LDAF1: variants seen among roughly 807,000 people sequenced by gnomAD.
LDAF1 encodes the protein PROMETHIN.
In LDAF1, 7 loss-of-function variants were observed where a neutral mutation model predicts 13.5. That is an observed-to-expected ratio of 0.52 (90% CI 0.29 to 0.97). The LOEUF is 0.97. Among genes scored for constraint, LDAF1 ranks in the 50% least tolerant of loss-of-function variants. The pLI is 0.07. For synonymous variants in LDAF1, 69 were observed against 77.1 expected, an observed-to-expected ratio of 0.89 and a Z score of 0.55; for missense variants, 148 against 193.2, an observed-to-expected ratio of 0.77 and a Z score of 1.39.
At position 21,179,566 on chromosome 16, in the gene LDAF1, CAG is replaced by C; in HGVS notation, c.*13_*14del. On this transcript the variant is annotated 3_prime_UTR_variant, in exon 5 of 5. Coordinates refer to ENST00000233047, the MANE Select transcript of LDAF1 (RefSeq NM_001301771.2). ...GCTTTACCAGGAATGAGTGACTGCTCAGAGGCCGGGCTTCTTTTCAAGTACTG... is the reference window on the plus strand; with the variant it reads ...GCTTTACCAGGAATGAGTGACTGCTCAGGCCGGGCTTCTTTTCAAGTACTG... The C allele has an allele frequency of 6.2e-7, 1 of 1,611,204 alleles. No individual in the cohort carries two copies. Among genetic ancestry groups the C allele is most frequent in the African/African-American group, 1.3e-5 (1 of 74,954 alleles).
intron 2 of LDAF1, among the ~76,000 whole-genome samples, chr16:21,162,901 G>A (rs960869981): frequency 2.0e-5 from 3 of 152,176 alleles, no homozygotes; most frequent in African/African-American, 7.2e-5. Context: ...ATCGCTCCTA[G>A]GGGAAATACA....
At position 21,166,924 on chromosome 16, in the gene LDAF1, A is replaced by G. The variant is rs771222341; in HGVS notation, c.97-3513A>G. On this transcript the variant is annotated intron_variant, in intron 2 of 4. Coordinates refer to ENST00000233047, the MANE Select transcript of LDAF1 (RefSeq NM_001301771.2). ...TGCTGGCTCCAAGGTGATTCCTGCT[A>G]CAGTCATCTCTGGCTAGAGAAGCGG... The G allele has an allele frequency of 2.6e-5, 40 of 1,534,964 alleles. 1 individual carries two copies. In the South Asian group the frequency reaches 4.2e-4, roughly 16 times the overall value.
chr16:21,170,688 A>C lies in LDAF1; in HGVS notation c.265+83A>C. On this transcript the variant is annotated intron_variant, in intron 3 of 4. Coordinates refer to ENST00000233047, the MANE Select transcript of LDAF1 (RefSeq NM_001301771.2). ...TTTGGGGCCATTTAAAAATTTTTTT[A>C]AGGGGCGGGGTCTTGTTATGTTGCC... The C allele has an allele frequency of 3.2e-6, 5 of 1,543,628 alleles. No individual in the cohort carries two copies. The South Asian group carries it at 5.8e-5, about 18-fold the overall frequency.
intron 1 of LDAF1, chr16:21,159,510 T>G: frequency 6.9e-7 from 1 of 1,445,086 alleles, no homozygotes; most frequent in East Asian, 2.3e-5. Context: ...CCCTGGAGGT[T>G]CGGGGGTGGG....
chr16:21,159,367 T>C (rs977782862), intron 1 of LDAF1: 2 of 1,614,108 alleles, frequency 1.2e-6, no homozygotes. Flanking sequence ...TCTCCCTGGC[T>C]TTTGAACGCT....
intron 4 of LDAF1, chr16:21,177,071 T>A (rs936439457): frequency 6.6e-6 from 1 of 152,234 alleles, no homozygotes; most frequent in Admixed American, 6.5e-5. Flanking sequence ...CAAATTTTAA[T>A]GAAAAGTAAC....
intron 2 of LDAF1, chr16:21,166,844 C>G (rs2093028802): frequency 6.5e-7 from 1 of 1,535,546 alleles, no homozygotes; most frequent in East Asian, 2.4e-5. Flanking sequence ...TTTCAGCTGC[C>G]CCAACACAGC....
intron 4 of LDAF1, 105 bp downstream of exon 4, chr16:21,174,253 G>T: frequency 9.2e-7 from 1 of 1,087,522 alleles, no homozygotes; most frequent in South Asian, 1.7e-5. Context: ...GCAGTGGCAT[G>T]AACATAGCTC....
chr16:21,173,505 G>T (rs1457212868), intron 3 of LDAF1: 1 of 152,462 alleles, frequency 6.6e-6, no homozygotes, highest in Non-Finnish European at 1.5e-5. Context: ...CTTGAGGTCA[G>T]GAGTTCAAGA....
At chr16:21,169,306 T>C (rs2093063487) in intron 2 of LDAF1, 1 of 271,998 alleles carries the variant, frequency 3.7e-6, no homozygotes, top group Non-Finnish European at 5.6e-6. Flanking sequence ...TGCATTTCCT[T>C]TTTTTTTCCC....
chr16:21,164,128 G>C (rs1322161704), intron 2 of LDAF1, among the ~76,000 whole-genome samples: 2 of 152,212 alleles, frequency 1.3e-5, no homozygotes, highest in African/African-American at 4.8e-5. Flanking sequence ...CCAAGTTTCA[G>C]TCTTCATGTT....
intron 1 of LDAF1, chr16:21,159,448 A>C: frequency 6.8e-6 from 11 of 1,612,902 alleles, no homozygotes; most frequent in Non-Finnish European, 9.3e-6. Context: ...CCATCCCCCA[A>C]CCAGAGATGT....
chr16:21,162,788 A>G (rs2044592813), intron 2 of LDAF1, among the ~76,000 whole-genome samples: 1 of 152,206 alleles, frequency 6.6e-6, no homozygotes, highest in African/African-American at 2.4e-5. Context: ...GCTCAGTAAG[A>G]AGGGTCCTCC....
intron 4 of LDAF1, among the ~76,000 whole-genome samples, chr16:21,178,574 C>A (rs890767308): frequency 3.3e-5 from 5 of 152,164 alleles, no homozygotes; most frequent in African/African-American, 1.2e-4. Context: ...GTGTTGCTAT[C>A]CTTAGCCCAT....
chr16:21,160,195 T>A (rs1326404253), intron 1 of LDAF1, among the ~76,000 whole-genome samples: 1 of 151,254 alleles, frequency 6.6e-6, no homozygotes, highest in Non-Finnish European at 1.5e-5. Flanking sequence ...CAGGTCAGTT[T>A]AAAGGGAGAA....
intron 3 of LDAF1, chr16:21,172,920 C>A: frequency 1.3e-6 from 1 of 782,968 alleles, no homozygotes; most frequent in Non-Finnish European, 1.6e-6. Flanking sequence ...GCTAACTGGC[C>A]ACTCACAAAG....
intron 2 of LDAF1, among the ~76,000 whole-genome samples, chr16:21,163,498 A>G (rs1023776593): frequency 2.0e-5 from 3 of 152,138 alleles, no homozygotes; most frequent in Non-Finnish European, 2.9e-5. Context: ...TACAAAAATT[A>G]GCTGGGTGTG....
chr16:21,178,739 G>T (rs1207092334), intron 4 of LDAF1: 1 of 152,232 alleles, frequency 6.6e-6, no homozygotes, highest in East Asian at 1.9e-4. Flanking sequence ...TACTTCAAAA[G>T]ACTTCATTGA....
At chr16:21,170,335 C>T in intron 2 of LDAF1, 102 bp from the exon 3 acceptor site, 1 of 1,566,760 alleles carries the variant, frequency 6.4e-7, no homozygotes, top group Non-Finnish European at 8.7e-7. Flanking sequence ...AGCCTTCTGG[C>T]TTTACGACTT....
Sources: allele counts gnomAD v4.1 joint callset (sites outside exome capture counted in the v4.1 genomes callset), GRCh38; gene constraint gnomAD v4.1.1; transcripts MANE v1.5; gene names NCBI Gene and HGNC (gene_info 2026-07-23, HGNC 2026-07-21).